ABCC9: variants seen among roughly 807,000 people sequenced by gnomAD.
ABCC9 encodes ATP binding cassette subfamily C member 9, also known as ATP-binding cassette sub-family C member 9.
A neutral mutation model predicts 188.3 loss-of-function variants in ABCC9; 95 were observed. That is an observed-to-expected ratio of 0.50 (90% CI 0.43 to 0.60). The LOEUF is 0.60. Among genes scored for constraint, ABCC9 ranks in the 20% least tolerant of loss-of-function variants. The pLI, the probability that ABCC9 is intolerant of heterozygous loss-of-function variation, is 0.00. For synonymous variants in ABCC9, 659 were observed against 652.7 expected, an observed-to-expected ratio of 1.01 and a Z score of -0.15; for missense variants, 1,102 against 1,876.3, an observed-to-expected ratio of 0.59 and a Z score of 7.62.
chr12:21,817,510 A>C (rs191958439), intron 32 of ABCC9, among the ~76,000 whole-genome samples: 1 of 152,160 alleles, frequency 6.6e-6, no homozygotes, highest in African/African-American at 2.4e-5. Flanking sequence ...TCAAGGGTCC[A>C]TAACTGTCAC....
At chr12:21,899,507 C>T (rs11046224) in intron 12 of ABCC9, among the ~76,000 whole-genome samples, 52,814 of 151,762 alleles carry the variant, frequency 0.35, 9,551 homozygotes, top group Admixed American at 0.39. Flanking sequence ...CAAAGCAGGG[C>T]GAGGCATCGC....
chr12:21,853,369 GACTT>G (rs1400454787), intron 22 of ABCC9, among the ~76,000 whole-genome samples: 3 of 151,992 alleles, frequency 2.0e-5, no homozygotes, highest in African/African-American at 7.2e-5. Context: ...ATCATAACAG[GACTT>G]ACTTAATGGG....
chr12:21,814,112 T>A (rs919225613), intron 35 of ABCC9, among the ~76,000 whole-genome samples: 1 of 152,330 alleles, frequency 6.6e-6, no homozygotes, highest in Non-Finnish European at 1.5e-5. Flanking sequence ...TGAATGTGTA[T>A]GTTTTGTGTA....
At chr12:21,812,202 A>G in intron 35 of ABCC9, 45 bp from the exon 36 acceptor site, 1 of 1,298,858 alleles carries the variant, frequency 7.7e-7, no homozygotes, top group Non-Finnish European at 1.1e-6. Flanking sequence ...TAAAATCACA[A>G]GTAAAATAAT....
intron 6 of ABCC9, 120 bp from the exon 7 acceptor site, chr12:21,916,030 C>T: frequency 1.1e-6 from 1 of 931,964 alleles, no homozygotes; most frequent in Non-Finnish European, 1.6e-6. Flanking sequence ...TATTTTAATG[C>T]CTCCTTCCAT....
chr12:21,838,894 T>G (rs962220453), intron 29 of ABCC9, among the ~76,000 whole-genome samples: 1 of 152,048 alleles, frequency 6.6e-6, no homozygotes, highest in Non-Finnish European at 1.5e-5. Flanking sequence ...GCCGTGGTGG[T>G]GCACACCAGT....
intron 24 of ABCC9, among the ~76,000 whole-genome samples, chr12:21,849,779 G>A (rs1944866889): frequency 1.3e-5 from 2 of 152,108 alleles, no homozygotes; most frequent in African/African-American, 4.8e-5. Context: ...GGCCAGGTGA[G>A]GACAGTAGAG....
At chr12:21,865,662 ATGTGTAAATACC>A (rs1945739982) in intron 18 of ABCC9, among the ~76,000 whole-genome samples, 8 of 152,196 alleles carry the variant, frequency 5.3e-5, no homozygotes, top group Admixed American at 4.6e-4. Flanking sequence ...CCCATTAGAC[ATGTGTAAATACC>A]TGTTGGACAT....
Position 21,915,514 on chromosome 12 carries a change from A to ATATATATATTTTTTTTT in ABCC9, c.816+153_816+154insAAAAAAAAATATATATA. 9.9e-3 allele frequency among the ~76,000 whole-genome samples: 35 copies of ATATATATATTTTTTTTT among 3,518 alleles called. 4 individuals are homozygous for ATATATATATTTTTTTTT. Among genetic ancestry groups the ATATATATATTTTTTTTT allele is most frequent in the African/African-American group, 0.02 (18 of 922 alleles). 2.3% of individuals were successfully genotyped at this position (3,518 alleles called of 152,430 possible). A position where few individuals can be genotyped will look rare whatever the true frequency, so the allele number is the denominator to read the frequency against. On this transcript the variant is annotated intron_variant, in intron 7 of 39. Transcript: ENST00000261200. ...TGTGTGTGTGTGTATATATATATAT[A>ATATATATATTTTTTTTT]TTTTTTTTTTTTTTTTGAGACAGAG...
In ABCC9 at chr12:21,915,887, A is replaced by C; in HGVS notation, c.597T>G (p.Pro199=). The change falls in exon 7 of 40, where the codon CCT becomes CCG. Residue 199 remains proline, a synonymous_variant. Coordinates refer to ENST00000261200, the MANE Select transcript of ABCC9 (RefSeq NM_020297.4). The part of the protein sequence containing the change: ...RVRRYVFFMN[P]QKVKPPEDLQ... ...GGTCTTCAGGAGGCTTTACTTTCTG[A>C]GGATTCATGAAAAATACATATCTCT... 6.2e-7 allele frequency: 1 copy of C among 1,613,052 alleles called. No individual in the cohort carries two copies. The highest frequency in any genetic ancestry group is 8.5e-7 in the Non-Finnish European group (1 of 1,179,340).
At chr12:21,846,578 T>C (rs1944683311) in intron 25 of ABCC9, among the ~76,000 whole-genome samples, 1 of 152,160 alleles carries the variant, frequency 6.6e-6, no homozygotes, top group South Asian at 2.1e-4. Flanking sequence ...TCTTTACTTT[T>C]TAGGTTATTA....
chr12:21,798,921 A>G lies in ABCC9; in HGVS notation c.*2123T>C, dbSNP rs1941294106. On this transcript the variant is annotated 3_prime_UTR_variant, in exon 40 of 40. Coordinates refer to ENST00000261200, the MANE Select transcript of ABCC9 (RefSeq NM_020297.4). Reference sequence around the variant, plus strand: ...ACCATGGAATACTATGCAGCCATACAAAATGATGAGTTCATGTCCTTTGTA... The same window carrying G: ...ACCATGGAATACTATGCAGCCATACGAAATGATGAGTTCATGTCCTTTGTA... The G allele has an allele frequency of 6.6e-6, 1 of 150,772 alleles. No homozygotes were observed. Among genetic ancestry groups the G allele is most frequent in the Admixed American group, 6.7e-5 (1 of 15,008 alleles). The allele number at this position is 150,772 out of a possible 1,614,324, so 9.3% of individuals were successfully genotyped here. A position where few individuals can be genotyped will look rare whatever the true frequency, so the allele number is the denominator to read the frequency against.
chr12:21,910,317 C>CAA lies in ABCC9; in HGVS notation c.1165-7_1165-6dup, dbSNP rs35857705. ...GATTTTATTATAAATCATGGCCTAC[C>CAA]AAAAAAAAAAAAAAGAGTACATAAA... is the stretch of plus-strand genomic sequence containing the variant. On this transcript the variant is annotated splice_region_variant and splice_polypyrimidine_tract_variant and intron_variant, in intron 9 of 39. Transcript: ENST00000261200. 8.1e-4 allele frequency: 1,129 copies of CAA among 1,385,604 alleles called. No homozygotes were observed. The highest frequency in any genetic ancestry group is 4.8e-3 in the African/African-American group (279 of 58,472). The allele number at this position is 1,385,604 out of a possible 1,614,324, so 85.8% of individuals were successfully genotyped here.
At chr12:21,895,783 T>C (rs890943227) in intron 12 of ABCC9, among the ~76,000 whole-genome samples, 1 of 152,192 alleles carries the variant, frequency 6.6e-6, no homozygotes, top group Non-Finnish European at 1.5e-5. Flanking sequence ...TATGGCCCTT[T>C]CAGTTAATAA....
intron 11 of ABCC9, among the ~76,000 whole-genome samples, chr12:21,907,755 G>A (rs1199817021): frequency 5.9e-5 from 9 of 151,938 alleles, no homozygotes; most frequent in Non-Finnish European, 1.0e-4. Flanking sequence ...AATAACTGAC[G>A]TTCACTAGCC....
chr12:21,921,468 A>G (rs1297463209), intron 5 of ABCC9, among the ~76,000 whole-genome samples: 1 of 152,008 alleles, frequency 6.6e-6, no homozygotes. Flanking sequence ...TATTCTGCTC[A>G]TTAATCCCTT....
In ABCC9 at chr12:21,807,946, A is replaced by AT. The variant is rs112203648; in HGVS notation, c.4316-468dup. Among the ~76,000 whole-genome samples the AT allele has an allele frequency of 1.4e-4, 21 of 148,420 alleles. 1 individual carries two copies. The highest frequency in any genetic ancestry group is 6.4e-4 in the South Asian group (3 of 4,652). On this transcript the variant is annotated intron_variant, in intron 37 of 39. Transcript: ENST00000261200. The stretch of plus-strand genomic sequence containing the variant: ...TACCAAGTGGATAAGGACCGGGTTT[A>AT]TTTTTTTTTTGTCAGAATGTCCCTA...
At chr12:21,872,192 T>G (rs535394511) in intron 18 of ABCC9, among the ~76,000 whole-genome samples, 7 of 152,356 alleles carry the variant, frequency 4.6e-5, no homozygotes, top group African/African-American at 1.7e-4. Flanking sequence ...TGATTTTCAC[T>G]TTCTTATACA....
intron 12 of ABCC9, among the ~76,000 whole-genome samples, chr12:21,902,223 GA>G (rs1412780197): frequency 6.6e-6 from 1 of 152,114 alleles, no homozygotes; most frequent in African/African-American, 2.4e-5. Flanking sequence ...AATGAAGGCA[GA>G]AATAAAGATG....
Sources: gnomAD v4.1 joint callset for allele counts (sites outside exome capture counted in the v4.1 genomes callset) on GRCh38, gnomAD v4.1.1 for gene constraint, MANE v1.5 for transcripts, NCBI Gene and HGNC (gene_info 2026-07-23, HGNC 2026-07-21) for gene names.